Variants in TNKS observed in about 807,000 individuals in gnomAD.
TNKS encodes poly [ADP-ribose] polymerase tankyrase-1.
Under a neutral mutation model 135.8 loss-of-function variants are expected in TNKS, and 72 were observed. That is an observed-to-expected ratio of 0.53 (90% CI 0.44 to 0.64). The LOEUF is 0.64. TNKS is among the 30% of genes least tolerant of loss of function. The pLI, the probability that TNKS is intolerant of heterozygous loss-of-function variation, is 0.00. For synonymous variants in TNKS, 849 were observed against 649.3 expected (o/e 1.31, Z -4.68); for missense variants, 1,769 against 1,674.0 (o/e 1.06, Z -0.99).
chr8:9,589,687 A>G (rs575088692), intron 2 of TNKS, among the ~76,000 whole-genome samples: 9 of 152,360 alleles, frequency 5.9e-5, no homozygotes, highest in Middle Eastern at 3.4e-3. Context: ...GGAATCTACA[A>G]CTGAGAGTAA....
intron 20 of TNKS, among the ~76,000 whole-genome samples, chr8:9,755,985 A>C (rs914639398): frequency 1.3e-5 from 2 of 152,192 alleles, no homozygotes; most frequent in African/African-American, 2.4e-5. Context: ...GAAATATAGT[A>C]CCCATGTGAC....
intron 13 of TNKS, among the ~76,000 whole-genome samples, chr8:9,728,277 G>T (rs1426001991): frequency 6.6e-6 from 1 of 152,192 alleles, no homozygotes; most frequent in African/African-American, 2.4e-5. Context: ...ACTTTAGAAA[G>T]TAGTAGAACT....
chr8:9,762,900 G>T (rs1480267421), intron 21 of TNKS, among the ~76,000 whole-genome samples: 3 of 125,386 alleles, frequency 2.4e-5, no homozygotes, highest in Non-Finnish European at 5.0e-5. Flanking sequence ...GCGAGGCTCC[G>T]TCTCAAAAAA....
At chr8:9,669,885 C>G (rs531590436) in intron 3 of TNKS, among the ~76,000 whole-genome samples, 1 of 152,012 alleles carries the variant, frequency 6.6e-6, no homozygotes, top group East Asian at 1.9e-4. Flanking sequence ...AGCAATTTTG[C>G]TAAATATTAT....
intron 1 of TNKS, among the ~76,000 whole-genome samples, chr8:9,578,125 G>C (rs1244296424): frequency 2.0e-5 from 3 of 152,294 alleles, no homozygotes; most frequent in Non-Finnish European, 2.9e-5. Flanking sequence ...CTCCACCCCT[G>C]TGGCTTTGCA....
intron 12 of TNKS, among the ~76,000 whole-genome samples, chr8:9,721,910 G>A (rs965919247): frequency 6.6e-5 from 10 of 151,808 alleles, no homozygotes; most frequent in Admixed American, 2.6e-4. Flanking sequence ...AAAATTAGCC[G>A]GGTGTGGTGG....
chr8:9,606,993 T>G (rs1384654424), intron 2 of TNKS, among the ~76,000 whole-genome samples: 1 of 152,184 alleles, frequency 6.6e-6, no homozygotes, highest in Non-Finnish European at 1.5e-5. Context: ...TTTATTAGTA[T>G]TATGTGTCTA....
intron 3 of TNKS, among the ~76,000 whole-genome samples, chr8:9,672,710 AC>A (rs372550105): frequency 1.2e-3 from 136 of 109,606 alleles, no homozygotes; most frequent in African/African-American, 1.5e-3. Flanking sequence ...ACACACACAC[AC>A]AAAAAAAAAA....
At chr8:9,740,077 AAAAG>A (rs1299144045) in intron 17 of TNKS, among the ~76,000 whole-genome samples, 16 of 149,260 alleles carry the variant, frequency 1.1e-4, no homozygotes, top group African/African-American at 2.9e-4. Context: ...AAAAAAAAAA[AAAAG>A]AAAGTCCAGA....
At chr8:9,654,171 T>C (rs1170424800) in intron 3 of TNKS, among the ~76,000 whole-genome samples, 1 of 152,202 alleles carries the variant, frequency 6.6e-6, no homozygotes, top group Non-Finnish European at 1.5e-5. Context: ...GTGCTGTGAT[T>C]GGGAACTGCA....
At chr8:9,652,270 T>C (rs1234351097) in intron 3 of TNKS, among the ~76,000 whole-genome samples, 1 of 152,206 alleles carries the variant, frequency 6.6e-6, no homozygotes, top group Non-Finnish European at 1.5e-5. Context: ...TTACTCCTGG[T>C]AAGGTTTTAT....
In TNKS at chr8:9,580,426, A is replaced by T. The variant is rs201040196; in HGVS notation, c.898+43A>T. The T allele has an allele frequency of 4.5e-5, 71 of 1,569,388 alleles. No individual in the cohort carries two copies. The Admixed American group carries it at 8.2e-4, about 18-fold the overall frequency. On this transcript the variant is annotated intron_variant, in intron 2 of 26. Transcript: ENST00000310430. Reference sequence around the variant, plus strand: ...ATATCTAAATTTTAAATAAAGGTTTATTCTTACTTTTTTTGTGGTACAAAT... The same window carrying T: ...ATATCTAAATTTTAAATAAAGGTTTTTTCTTACTTTTTTTGTGGTACAAAT...
intron 18 of TNKS, among the ~76,000 whole-genome samples, chr8:9,750,410 A>G (rs886228211): frequency 4.6e-5 from 7 of 152,212 alleles, no homozygotes; most frequent in Admixed American, 1.3e-4. Flanking sequence ...GCAGATAAAC[A>G]CACCAGTCCA....
chr8:9,702,575 T>A (rs1176098676), intron 5 of TNKS, among the ~76,000 whole-genome samples: 1 of 152,208 alleles, frequency 6.6e-6, no homozygotes, highest in Middle Eastern at 3.2e-3. Flanking sequence ...AGAAGTATTC[T>A]TCTAAAATGA....
At chr8:9,596,146 C>T (rs4258007) in intron 2 of TNKS, among the ~76,000 whole-genome samples, 3,362 of 152,186 alleles carry the variant, frequency 0.022, 119 homozygotes, top group African/African-American at 0.073. Flanking sequence ...CGTACATACA[C>T]ACATACATAC....
intron 23 of TNKS, among the ~76,000 whole-genome samples, 179 bp downstream of exon 23, chr8:9,764,969 C>T (rs1225508082): frequency 6.6e-6 from 1 of 152,186 alleles, no homozygotes; most frequent in Non-Finnish European, 1.5e-5. Flanking sequence ...CAAGACAATA[C>T]GTCACTAAAA....
chr8:9,681,867 C>T (rs747541207), intron 5 of TNKS, among the ~76,000 whole-genome samples: 1 of 151,966 alleles, frequency 6.6e-6, no homozygotes, highest in Non-Finnish European at 1.5e-5. Context: ...ATATAATTTA[C>T]GTTCATTTGT....
At chr8:9,754,377 C>A (rs1159629263) in intron 20 of TNKS, among the ~76,000 whole-genome samples, 2 of 152,132 alleles carry the variant, frequency 1.3e-5, no homozygotes, top group Non-Finnish European at 2.9e-5. Context: ...ACATAATTTT[C>A]CAGTATTTCA....
chr8:9,762,399 T>A (rs35231275), intron 21 of TNKS, among the ~76,000 whole-genome samples: 32,931 of 152,176 alleles, frequency 0.22, 4,779 homozygotes, highest in Non-Finnish European at 0.32. Context: ...AGATAATGTG[T>A]TTTAAAGCAA....
Sources: gnomAD v4.1 joint callset for allele counts (sites outside exome capture counted in the v4.1 genomes callset) on GRCh38, gnomAD v4.1.1 for gene constraint, MANE v1.5 for transcripts, NCBI Gene and HGNC (gene_info 2026-07-23, HGNC 2026-07-21) for gene names.